The following MLLT3 variants were observed in gnomAD, a reference collection of about 807,000 sequenced individuals.
The protein encoded by MLLT3 is protein AF-9.
In MLLT3, 4 loss-of-function variants were observed where a neutral mutation model predicts 53.2. That is an observed-to-expected ratio of 0.08 (90% CI 0.04 to 0.17). MLLT3 has a LOEUF of 0.17. Among genes scored for constraint, MLLT3 ranks in the 10% least tolerant of loss-of-function variants. MLLT3 has a pLI of 1.00. For missense variants in MLLT3, 569 were observed against 684.0 expected, an observed-to-expected ratio of 0.83 and a Z score of 1.87; for synonymous variants, 283 against 230.6, an observed-to-expected ratio of 1.23 and a Z score of -2.06.
intron 4 of MLLT3, among the ~76,000 whole-genome samples, chr9:20,427,613 A>G (rs10964560): frequency 0.16 from 24,790 of 151,886 alleles, 3,460 homozygotes; most frequent in East Asian, 0.66. Flanking sequence ...AATAATATAC[A>G]TAAATTAAAA....
intron 6 of MLLT3, 86 bp from the exon 7 acceptor site, chr9:20,363,691 A>C: frequency 5.6e-6 from 7 of 1,247,394 alleles, no homozygotes; most frequent in Non-Finnish European, 7.7e-6. Flanking sequence ...GCTTACCAGC[A>C]CTGAACACTG....
At chr9:20,464,686 G>A (rs549306763) in intron 2 of MLLT3, among the ~76,000 whole-genome samples, 1 of 152,140 alleles carries the variant, frequency 6.6e-6, no homozygotes, top group East Asian at 1.9e-4. Flanking sequence ...GTATGTGTTG[G>A]CCTGGCAGGA....
chr9:20,354,826 C>A lies in MLLT3; in HGVS notation c.1485G>T (p.Lys495Asn). Residue 495 changes from lysine to asparagine, a missense_variant, in exon 9 of 11, where the codon AAG (lysine) becomes AAT (asparagine). Transcript: ENST00000380338. ...IKQSKSDKQI[K>N]NGECDKAYLD... ...AACCTACCTTGTCACATTCACCATT[C>A]TTTATTTGCTTATCTGATTTGCTTT... 6.2e-7 allele frequency: 1 copy of A among 1,611,876 alleles called. No homozygotes were observed. The highest frequency in any genetic ancestry group is 1.1e-5 in the South Asian group (1 of 91,016).
intron 4 of MLLT3, among the ~76,000 whole-genome samples, chr9:20,433,494 C>A (rs1037215624): frequency 6.6e-6 from 1 of 152,018 alleles, no homozygotes. Flanking sequence ...AGAAACTGTA[C>A]AGTGGAGAAG....
At chr9:20,508,260 C>G (rs1825434777) in intron 2 of MLLT3, among the ~76,000 whole-genome samples, 1 of 152,196 alleles carries the variant, frequency 6.6e-6, no homozygotes, top group Admixed American at 6.5e-5. Context: ...TCCCTTACCT[C>G]TCACCCCACA....
intron 2 of MLLT3, among the ~76,000 whole-genome samples, chr9:20,548,823 A>AT (rs11448186): frequency 0.24 from 35,668 of 146,696 alleles, 4,599 homozygotes; most frequent in African/African-American, 0.34. Context: ...TTGCTCAAAG[A>AT]TTTTTTTTTT....
intron 2 of MLLT3, among the ~76,000 whole-genome samples, chr9:20,559,781 G>T (rs559712315): frequency 6.6e-6 from 1 of 152,116 alleles, no homozygotes; most frequent in African/African-American, 2.4e-5. Flanking sequence ...ATATTTTATG[G>T]AATAGTCACT....
chr9:20,378,920 G>A (rs1038929799), intron 5 of MLLT3, among the ~76,000 whole-genome samples: 18 of 151,990 alleles, frequency 1.2e-4, no homozygotes, highest in African/African-American at 4.3e-4. Context: ...ACATATTCCT[G>A]ATTAGTAATA....
intron 2 of MLLT3, among the ~76,000 whole-genome samples, chr9:20,466,324 A>T (rs1824237275): frequency 6.6e-6 from 1 of 152,208 alleles, no homozygotes; most frequent in Non-Finnish European, 1.5e-5. Context: ...CCGATTTTCA[A>T]GTTAGGGAGA....
intron 8 of MLLT3, among the ~76,000 whole-genome samples, chr9:20,356,731 TAG>T (rs1303783249): frequency 6.6e-6 from 1 of 152,200 alleles, no homozygotes; most frequent in African/African-American, 2.4e-5. Flanking sequence ...TAACTAGGTT[TAG>T]AGAGTTCTGC....
chr9:20,565,828 T>C (rs1409832817), intron 2 of MLLT3, among the ~76,000 whole-genome samples: 1 of 149,036 alleles, frequency 6.7e-6, no homozygotes, highest in Admixed American at 6.8e-5. Context: ...ACTCTGTCCA[T>C]CGTGGGCACA....
At chr9:20,373,272 T>C (rs569645859) in intron 5 of MLLT3, among the ~76,000 whole-genome samples, 2 of 152,326 alleles carry the variant, frequency 1.3e-5, no homozygotes, top group Admixed American at 1.3e-4. Flanking sequence ...TAATACAAGA[T>C]ATATCTTTAC....
chr9:20,512,345 T>C lies in MLLT3; in HGVS notation c.194-55559A>G, dbSNP rs1057267858. 2.0e-5 allele frequency among the ~76,000 whole-genome samples: 3 copies of C among 152,180 alleles called. No homozygotes were observed. The South Asian group carries it at 6.2e-4, about 32-fold the overall frequency. On this transcript the variant is annotated intron_variant, in intron 2 of 10. Transcript: ENST00000380338. ...AGCAATATCAGATGCCCGCCCACTT[T>C]GATAGGTTGGTATGTTCTCCTAACC...
At chr9:20,386,889 T>C (rs1822050371) in intron 5 of MLLT3, among the ~76,000 whole-genome samples, 1 of 152,228 alleles carries the variant, frequency 6.6e-6, no homozygotes, top group Non-Finnish European at 1.5e-5. Context: ...CTCTCCAATA[T>C]AGAAATTATT....
rs1410793278 is a variant in MLLT3, at chr9:20,550,025, A to C, written c.193+70629T>G. Among the ~76,000 whole-genome samples the C allele has an allele frequency of 1.3e-5, 2 of 152,224 alleles. 1 individual carries two copies. The highest frequency in any genetic ancestry group is 4.8e-5 in the African/African-American group (2 of 41,456). ...ACTCATCTACAAGAACTGCTAACTAAGGAATTGCTTCTAATATCATGAACT... is the reference window on the plus strand; with the variant it reads ...ACTCATCTACAAGAACTGCTAACTACGGAATTGCTTCTAATATCATGAACT... On this transcript the variant is annotated intron_variant, in intron 2 of 10. Coordinates refer to ENST00000380338, the MANE Select transcript of MLLT3 (RefSeq NM_004529.4).
chr9:20,354,971 G>T, intron 8 of MLLT3, 92 bp from the exon 9 acceptor site: 1 of 772,824 alleles, frequency 1.3e-6, no homozygotes. Flanking sequence ...TGAATGAAAT[G>T]TACAGTAACA....
rs551114214 is a variant in MLLT3 at position 20,370,853 on chromosome 9, GT to G, written c.1126-5110del. 3.3e-3 allele frequency among the ~76,000 whole-genome samples: 507 copies of G among 152,268 alleles called. 5 individuals carry two copies. The highest frequency in any genetic ancestry group is 0.011 in the Admixed American group (163 of 15,292). Reference sequence around the variant, plus strand: ...TCAAAGCTATAAATGATTAGGCTTAGTGAGAAAGGCATGTCAAGAGGTGACA... The same window carrying G: ...TCAAAGCTATAAATGATTAGGCTTAGGAGAAAGGCATGTCAAGAGGTGACA... On this transcript the variant is annotated intron_variant, in intron 5 of 10. Transcript: ENST00000380338.
rs866874852 is a variant in MLLT3 at position 20,578,673 on chromosome 9, T to C, written c.193+41981A>G. ...AACTGAGGACCTGCATTTTAAATTA[T>C]ATTTTATTTTAATTAATTAAAAATT... On this transcript the variant is annotated intron_variant, in intron 2 of 10. Transcript: ENST00000380338. Among the ~76,000 whole-genome samples, 7 of 152,088 alleles carry C rather than the reference T, an allele frequency of 4.6e-5. No individual in the cohort carries two copies. The East Asian group carries it at 9.6e-4, about 21-fold the overall frequency.
At chr9:20,580,856 A>C (rs1049068765) in intron 2 of MLLT3, among the ~76,000 whole-genome samples, 5 of 152,336 alleles carry the variant, frequency 3.3e-5, no homozygotes, top group East Asian at 1.9e-4. Context: ...GAGGAACTGA[A>C]CCAGAACTAC....
Sources: gnomAD v4.1 joint callset for allele counts (sites outside exome capture counted in the v4.1 genomes callset) on GRCh38, gnomAD v4.1.1 for gene constraint, MANE v1.5 for transcripts, NCBI Gene and HGNC (gene_info 2026-07-23, HGNC 2026-07-21) for gene names.